Variants in NPAS3 observed in about 807,000 individuals in gnomAD.
NPAS3 encodes neuronal PAS domain-containing protein 3.
A neutral mutation model predicts 73.1 loss-of-function variants in NPAS3; 14 were observed. That is an observed-to-expected ratio of 0.19 (90% CI 0.13 to 0.30). The LOEUF is 0.30. Ranked by LOEUF, NPAS3 falls within the 10% of genes least tolerant of loss-of-function variation. The pLI is 1.00. For missense variants in NPAS3, 1,096 were observed against 1,250.0 expected, an observed-to-expected ratio of 0.88 and a Z score of 1.86; for synonymous variants, 620 against 541.5, an observed-to-expected ratio of 1.14 and a Z score of -2.01.
At chr14:33,174,966 A>G (rs1365283425) in intron 2 of NPAS3, among the ~76,000 whole-genome samples, 2 of 152,212 alleles carry the variant, frequency 1.3e-5, no homozygotes, top group African/African-American at 4.8e-5. Flanking sequence ...GGTCCATTTC[A>G]TGTGACTCGT....
intron 2 of NPAS3, among the ~76,000 whole-genome samples, chr14:33,083,465 C>T (rs1184053313): frequency 6.6e-6 from 1 of 152,032 alleles, no homozygotes; most frequent in African/African-American, 2.4e-5. Flanking sequence ...ATCATGTATA[C>T]CTCCTCACTA....
At chr14:33,250,775 T>G (rs1176599047) in intron 3 of NPAS3, among the ~76,000 whole-genome samples, 1 of 152,078 alleles carries the variant, frequency 6.6e-6, no homozygotes, top group African/African-American at 2.4e-5. Flanking sequence ...TATAGGAATG[T>G]TTGAAGTATA....
intron 4 of NPAS3, among the ~76,000 whole-genome samples, chr14:33,403,664 C>T (rs988532181): frequency 6.6e-6 from 1 of 151,948 alleles, no homozygotes; most frequent in Non-Finnish European, 1.5e-5. Flanking sequence ...TCATTTTAAT[C>T]TTTATTCATT....
intron 1 of NPAS3, among the ~76,000 whole-genome samples, chr14:33,045,337 T>A (rs1383774607): frequency 2.0e-5 from 3 of 152,212 alleles, no homozygotes; most frequent in Non-Finnish European, 2.9e-5. Context: ...TTAGTATTTG[T>A]TTCCTCCTCC....
chr14:33,411,479 G>A (rs938969454), intron 4 of NPAS3, among the ~76,000 whole-genome samples: 6 of 152,258 alleles, frequency 3.9e-5, no homozygotes. Flanking sequence ...CACTGCACCC[G>A]GCCTGGAGGC....
At chr14:33,380,038 G>T (rs966437412) in intron 4 of NPAS3, among the ~76,000 whole-genome samples, 10 of 132,434 alleles carry the variant, frequency 7.6e-5, no homozygotes, top group East Asian at 2.0e-4. Flanking sequence ...TGCACAAAGT[G>T]GGGGGGAAAA....
At chr14:33,314,288 T>A (rs1302265493) in intron 3 of NPAS3, among the ~76,000 whole-genome samples, 1 of 152,098 alleles carries the variant, frequency 6.6e-6, no homozygotes, top group Non-Finnish European at 1.5e-5. Context: ...TAATTAACTT[T>A]ATTTTTCCAC....
intron 2 of NPAS3, among the ~76,000 whole-genome samples, chr14:33,120,867 G>T (rs1247350451): frequency 6.6e-6 from 1 of 152,088 alleles, no homozygotes; most frequent in East Asian, 1.9e-4. Flanking sequence ...CCTGCTAGTA[G>T]CAGGACGCCT....
chr14:33,521,219 G>C (rs180786850), intron 4 of NPAS3, among the ~76,000 whole-genome samples: 9 of 152,206 alleles, frequency 5.9e-5, no homozygotes, highest in South Asian at 4.2e-4. Context: ...GAGGTCTGAG[G>C]GTTCTTCAGA....
At chr14:33,464,789 C>A (rs1594956972) in intron 4 of NPAS3, among the ~76,000 whole-genome samples, 1 of 152,260 alleles carries the variant, frequency 6.6e-6, no homozygotes, top group Middle Eastern at 3.4e-3. Flanking sequence ...TGTATGATGC[C>A]AAGTGCAAAG....
chr14:33,645,601 G>GAGCATGTGTTCCTAAGGCTTTACAGC (rs1394497894), intron 5 of NPAS3, among the ~76,000 whole-genome samples: 25 of 152,212 alleles, frequency 1.6e-4, no homozygotes, highest in African/African-American at 6.0e-4. Context: ...TACCCTCCAA[G>GAGCATGTGTTCCTAAGGCTTTACAGC]AGCATGTGTT....
chr14:33,150,260 C>A (rs1003516576), intron 2 of NPAS3, among the ~76,000 whole-genome samples: 1 of 152,102 alleles, frequency 6.6e-6, no homozygotes, highest in Non-Finnish European at 1.5e-5. Context: ...AAAAGAATTA[C>A]TGAATTAAGT....
At chr14:33,468,201 C>T (rs1414584708) in intron 4 of NPAS3, among the ~76,000 whole-genome samples, 1 of 152,212 alleles carries the variant, frequency 6.6e-6, no homozygotes, top group Non-Finnish European at 1.5e-5. Context: ...TTTCACCAGA[C>T]TCTCTGATTT....
chr14:33,308,003 A>T (rs2042828420), intron 3 of NPAS3, among the ~76,000 whole-genome samples: 1 of 152,114 alleles, frequency 6.6e-6, no homozygotes, highest in Admixed American at 6.5e-5. Flanking sequence ...CCGCTGCAAC[A>T]TTTCAAGCTA....
At chr14:33,048,906 G>A (rs994812391) in intron 1 of NPAS3, among the ~76,000 whole-genome samples, 5 of 152,224 alleles carry the variant, frequency 3.3e-5, no homozygotes, top group Non-Finnish European at 7.3e-5. Context: ...GGAAGATGAT[G>A]TGTGTACACG....
chr14:33,296,963 T>C (rs1160965349), intron 3 of NPAS3, among the ~76,000 whole-genome samples: 1 of 152,224 alleles, frequency 6.6e-6, no homozygotes, highest in Non-Finnish European at 1.5e-5. Context: ...TGCTGGACTT[T>C]ATTTAAGAAT....
chr14:33,496,413 CAAA>C (rs1194332373), intron 4 of NPAS3, among the ~76,000 whole-genome samples: 5 of 151,886 alleles, frequency 3.3e-5, no homozygotes, highest in Non-Finnish European at 7.4e-5. Flanking sequence ...AATTTCAGGC[CAAA>C]AATATCCCTG....
chr14:33,601,560 G>A (rs1329101804), intron 5 of NPAS3, among the ~76,000 whole-genome samples: 1 of 152,160 alleles, frequency 6.6e-6, no homozygotes, highest in African/African-American at 2.4e-5. Flanking sequence ...TCACAAATTT[G>A]AGTGAGAAAA....
intron 2 of NPAS3, among the ~76,000 whole-genome samples, chr14:33,160,547 G>T (rs989793792): frequency 7.3e-5 from 11 of 149,824 alleles, no homozygotes; most frequent in Non-Finnish European, 1.2e-4. Context: ...TGTAAATGAC[G>T]AGTTAATGGG....
Sources: gnomAD v4.1 joint callset for allele counts (sites outside exome capture counted in the v4.1 genomes callset) on GRCh38, gnomAD v4.1.1 for gene constraint, MANE v1.5 for transcripts, NCBI Gene and HGNC (gene_info 2026-07-23, HGNC 2026-07-21) for gene names.